The following ACYP2 variants were observed in gnomAD, a reference collection of about 807,000 sequenced individuals.
The protein encoded by ACYP2 is acylphosphatase-2.
ACYP2 carries 12 observed loss-of-function variants against 11.2 expected under a neutral mutation model. That is an observed-to-expected ratio of 1.08 (90% confidence interval 0.69 to 1.74). ACYP2 has a LOEUF of 1.74. ACYP2 is among the 40% of genes most tolerant of loss of function. The probability of loss-of-function intolerance (pLI) is 0.00; values close to 1 mark genes in which losing one functional copy is unlikely to be tolerated. For missense variants in ACYP2, 134 were observed against 101.9 expected (o/e 1.31, Z -1.35); for synonymous variants, 43 against 32.2 (o/e 1.33, Z -1.13).
At chr2:53,988,201 A>G (rs564554820) in intron 2 of ACYP2, among the ~76,000 whole-genome samples, 145 of 152,224 alleles carry the variant, frequency 9.5e-4, no homozygotes, top group Non-Finnish European at 1.7e-3. Context: ...TTCATGTCAT[A>G]TTAAAAGAAT....
At chr2:53,996,752 C>G (rs796373921) in intron 2 of ACYP2, among the ~76,000 whole-genome samples, 74 of 152,312 alleles carry the variant, frequency 4.9e-4, no homozygotes, top group African/African-American at 1.6e-3. Flanking sequence ...TAATATTGCT[C>G]TCCTCATGCA....
chr2:54,136,003 T>G (rs1001954900), intron 5 of ACYP2, among the ~76,000 whole-genome samples: 8 of 152,252 alleles, frequency 5.3e-5, no homozygotes, highest in African/African-American at 1.9e-4. Context: ...GCTCAAGTGA[T>G]TCTCCTGCCT....
At chr2:54,216,706 T>G (rs1391129392) in intron 6 of ACYP2, among the ~76,000 whole-genome samples, 1 of 152,076 alleles carries the variant, frequency 6.6e-6, no homozygotes, top group Non-Finnish European at 1.5e-5. Context: ...CCTGGCTAAT[T>G]TTTGTATTTT....
chr2:54,119,687 C>G (rs1364204492), intron 4 of ACYP2, among the ~76,000 whole-genome samples: 1 of 152,170 alleles, frequency 6.6e-6, no homozygotes, highest in African/African-American at 2.4e-5. Context: ...CGTTTTCCAA[C>G]CAAAAATGAT....
At chr2:54,052,576 A>C (rs750687995) in intron 3 of ACYP2, among the ~76,000 whole-genome samples, 1 of 152,238 alleles carries the variant, frequency 6.6e-6, no homozygotes, top group Admixed American at 6.5e-5. Flanking sequence ...ATTGCAAAAA[A>C]AAGTCGCAGC....
At chr2:54,144,500 C>A (rs1681792967) in intron 6 of ACYP2, among the ~76,000 whole-genome samples, 4 of 151,800 alleles carry the variant, frequency 2.6e-5, no homozygotes, top group Admixed American at 1.3e-4. Flanking sequence ...ATGGTGAAAC[C>A]CCGTCTCTAC....
intron 6 of ACYP2, among the ~76,000 whole-genome samples, chr2:54,225,834 A>G (rs1050955855): frequency 6.6e-6 from 1 of 152,040 alleles, no homozygotes; most frequent in Non-Finnish European, 1.5e-5. Flanking sequence ...ATAAGCTTTT[A>G]CTTTCTGAAT....
chr2:53,984,294 C>G (rs374859761), intron 2 of ACYP2, among the ~76,000 whole-genome samples: 2 of 152,102 alleles, frequency 1.3e-5, no homozygotes, highest in African/African-American at 4.8e-5. Flanking sequence ...AACAAAAATT[C>G]TGGCCAGGCG....
intron 6 of ACYP2, among the ~76,000 whole-genome samples, chr2:54,165,529 T>A (rs1354094476): frequency 0.026 from 3,755 of 142,932 alleles, 144 homozygotes; most frequent in African/African-American, 0.093. Context: ...TCTCTCTCTC[T>A]CTCTCTCACA....
At chr2:54,283,736 C>A (rs1688946513) in intron 6 of ACYP2, among the ~76,000 whole-genome samples, 1 of 152,220 alleles carries the variant, frequency 6.6e-6, no homozygotes, top group African/African-American at 2.4e-5. Context: ...TGATTAAATA[C>A]AACGGAGTCT....
chr2:54,111,372 A>G (rs1299134545), intron 4 of ACYP2, among the ~76,000 whole-genome samples: 2 of 152,020 alleles, frequency 1.3e-5, no homozygotes, highest in Non-Finnish European at 2.9e-5. Context: ...GGCGGGGGGG[A>G]CCAACCATGC....
intron 2 of ACYP2, among the ~76,000 whole-genome samples, chr2:54,034,142 G>A (rs1039961392): frequency 1.3e-5 from 2 of 152,210 alleles, no homozygotes; most frequent in African/African-American, 4.8e-5. Flanking sequence ...TGGATCACTT[G>A]AGGTCAGGAG....
intron 2 of ACYP2, among the ~76,000 whole-genome samples, chr2:54,012,666 G>T (rs746615677): frequency 6.6e-6 from 1 of 152,060 alleles, no homozygotes; most frequent in African/African-American, 2.4e-5. Flanking sequence ...TCTGTTACTC[G>T]TCTGATCTAC....
At chr2:54,237,899 T>G (rs996481721) in intron 6 of ACYP2, among the ~76,000 whole-genome samples, 1 of 152,132 alleles carries the variant, frequency 6.6e-6, no homozygotes, top group Non-Finnish European at 1.5e-5. Context: ...CATGCATGAA[T>G]GGGCCCCGGC....
At chr2:54,234,504 G>T (rs181428354) in intron 6 of ACYP2, among the ~76,000 whole-genome samples, 35 of 152,322 alleles carry the variant, frequency 2.3e-4, no homozygotes, top group African/African-American at 7.9e-4. Flanking sequence ...TGAATGCTCT[G>T]CTTTTGTCTG....
At chr2:54,150,775 T>G (rs1395656025) in intron 6 of ACYP2, among the ~76,000 whole-genome samples, 1 of 142,228 alleles carries the variant, frequency 7.0e-6, no homozygotes, top group Admixed American at 7.3e-5. Flanking sequence ...GGAGTCTTGC[T>G]CTGTCGCCCA....
chr2:54,051,766 C>A, intron 3 of ACYP2: 1 of 512,600 alleles, frequency 2.0e-6, no homozygotes, highest in South Asian at 1.8e-5. Context: ...GGAAGAGTGC[C>A]AGGCTCAGTG....
chr2:54,304,959 A>C lies in ACYP2; in HGVS notation c.*157A>C. 2.4e-6 allele frequency: 1 copy of C among 425,150 alleles called. No individual in the cohort carries two copies. The highest frequency in any genetic ancestry group is 4.1e-6 in the Non-Finnish European group (1 of 241,404). The allele number at this position is 425,150 out of a possible 1,614,324, so 26.3% of individuals were successfully genotyped here. ...TACTAAAAATGTCTGACACTGAAAT[A>C]ATTTTACTCAACTATGTTTTCAACA... is the stretch of plus-strand genomic sequence containing the variant. On this transcript the variant is annotated 3_prime_UTR_variant, in exon 7 of 7. Coordinates refer to ENST00000607452, the MANE Select transcript of ACYP2 (RefSeq NM_001320586.2).
At chr2:53,990,977 C>T (rs1380472495) in intron 2 of ACYP2, among the ~76,000 whole-genome samples, 2 of 151,838 alleles carry the variant, frequency 1.3e-5, no homozygotes, top group African/African-American at 4.8e-5. Context: ...TTTATATTTT[C>T]AGTAGAGACG....
Sources: allele counts gnomAD v4.1 joint callset (sites outside exome capture counted in the v4.1 genomes callset), GRCh38; gene constraint gnomAD v4.1.1; transcripts MANE v1.5; gene names NCBI Gene and HGNC (gene_info 2026-07-23, HGNC 2026-07-21).